The following VAV2 variants were observed in gnomAD, a reference collection of about 807,000 sequenced individuals.
VAV2 encodes vav guanine nucleotide exchange factor 2, also known as guanine nucleotide exchange factor VAV2.
Under a neutral mutation model 132.5 loss-of-function variants are expected in VAV2, and 67 were observed. That is an observed-to-expected ratio of 0.51 (90% CI 0.42 to 0.62). VAV2 has a LOEUF of 0.62. Among genes scored for constraint, VAV2 ranks in the 20% least tolerant of loss-of-function variants. The pLI is 0.00. For missense variants in VAV2, 938 were observed against 1,153.6 expected (o/e 0.81, Z 2.71); for synonymous variants, 492 against 443.5 (o/e 1.11, Z -1.37).
At chr9:133,984,384 CATG>C (rs999576564) in intron 1 of VAV2, among the ~76,000 whole-genome samples, 1 of 152,236 alleles carries the variant, frequency 6.6e-6, no homozygotes, top group Non-Finnish European at 1.5e-5. Flanking sequence ...GAAGCCAAGA[CATG>C]AGGATCACGT....
rs115234210 is a variant in VAV2 at position 133,942,525 on chromosome 9, C to T, written c.205-3306G>A. 6.6e-3 allele frequency among the ~76,000 whole-genome samples: 1,009 copies of T among 152,396 alleles called. 10 individuals are homozygous for T. The highest frequency in any genetic ancestry group is 0.022 in the African/African-American group (924 of 41,602). ...GGCTACGCCCTCTCGCTCATCTGCG[C>T]GGCTGCATGTGCTGCAGCTTCCAGC... On this transcript the variant is annotated intron_variant, in intron 1 of 29. Coordinates refer to ENST00000371850, the MANE Select transcript of VAV2 (RefSeq NM_001134398.2).
rs1167213769 is a variant in VAV2, at chr9:133,857,340, TC to T, written c.380+4033del. On this transcript the variant is annotated intron_variant, in intron 3 of 29. Transcript: ENST00000371850. This position sits in a 1 kb window ranked among gnomAD's most constrained non-coding sequence, Gnocchi z 4.0. ...TGCCCCGCTTCCCCAACACGTTTGA[TC>T]CCCCAGCCGGCACCAGGGCGGGATT... 6.6e-6 allele frequency among the ~76,000 whole-genome samples: 1 copy of T among 152,078 alleles called. No homozygotes were observed. Among genetic ancestry groups the T allele is most frequent in the Non-Finnish European group, 1.5e-5 (1 of 68,024 alleles).
In VAV2 at chr9:133,771,656, C is replaced by T. The variant is rs182278546; in HGVS notation, c.2223+303G>A. On this transcript the variant is annotated intron_variant, in intron 26 of 29. Transcript: ENST00000371850. ...CCCACTGGGCGTCAGTTTCTGCTCT[C>T]GCAGGAGGATGGGCATGAGAGGAAT... 6.4e-4 allele frequency among the ~76,000 whole-genome samples: 98 copies of T among 152,278 alleles called. 1 individual carries two copies. The highest frequency in any genetic ancestry group is 1.9e-3 in the African/African-American group (80 of 41,566).
intron 3 of VAV2, among the ~76,000 whole-genome samples, chr9:133,841,253 G>A (rs574042651): frequency 6.6e-6 from 1 of 152,104 alleles, no homozygotes; most frequent in East Asian, 1.9e-4. Context: ...AACAGCAGCA[G>A]CTACAGGGAG....
intron 2 of VAV2, among the ~76,000 whole-genome samples, chr9:133,910,477 G>A (rs1839839034): frequency 6.6e-6 from 1 of 151,978 alleles, no homozygotes; most frequent in Admixed American, 6.6e-5. Context: ...AGGTGCCAAG[G>A]TTCAGTGAGT....
At chr9:133,941,987 G>A (rs1421061865) in intron 1 of VAV2, among the ~76,000 whole-genome samples, 2 of 152,298 alleles carry the variant, frequency 1.3e-5, no homozygotes, top group South Asian at 2.1e-4. Context: ...AGGGCTGAGC[G>A]ATGGGGTGGT....
chr9:133,785,829 G>A lies in VAV2; in HGVS notation c.1479C>T (p.Phe493=). ...TCCTCTTCATATCTTCTGTTTTGCA[G>A]AAAAACTGGAAGCCCTGCTTTCCTT... The part of the protein sequence containing the change: ...HLQGKQGFQF[F]CKTEDMKRKW... The change falls in exon 17 of 30, where the codon TTC becomes TTT. Residue 493 remains phenylalanine (F), a synonymous_variant. Transcript: ENST00000371850. 6.2e-7 allele frequency: 1 copy of A among 1,614,062 alleles called. No homozygotes were observed. Among genetic ancestry groups the A allele is most frequent in the Non-Finnish European group, 8.5e-7 (1 of 1,180,008 alleles).
At chr9:133,909,520 A>G (rs985082035) in intron 2 of VAV2, among the ~76,000 whole-genome samples, 2 of 152,250 alleles carry the variant, frequency 1.3e-5, no homozygotes, top group Admixed American at 1.3e-4. Context: ...CAGAGTGCTC[A>G]GAACAGCGCC....
intron 2 of VAV2, among the ~76,000 whole-genome samples, chr9:133,893,689 C>T (rs1026224123): frequency 2.6e-5 from 4 of 152,324 alleles, no homozygotes; most frequent in East Asian, 3.9e-4. Flanking sequence ...AGCCTTCCTC[C>T]GTCGCCACAC....
intron 4 of VAV2, among the ~76,000 whole-genome samples, chr9:133,822,066 G>T (rs1835809441): frequency 6.6e-6 from 1 of 152,066 alleles, no homozygotes; most frequent in African/African-American, 2.4e-5. Flanking sequence ...TTCTGCCCGA[G>T]ACCCTGAGGC....
chr9:133,955,102 G>A (rs1841708172), intron 1 of VAV2, among the ~76,000 whole-genome samples: 4 of 152,016 alleles, frequency 2.6e-5, no homozygotes, highest in Non-Finnish European at 5.9e-5. Flanking sequence ...CAGATGGGAG[G>A]CAGCGGTGAG....
intron 4 of VAV2, among the ~76,000 whole-genome samples, chr9:133,816,907 T>C (rs1835581553): frequency 6.6e-6 from 1 of 152,252 alleles, no homozygotes. Flanking sequence ...ATAGAAACTC[T>C]TGAAATCACG....
chr9:133,873,445 G>T (rs1337391616), intron 2 of VAV2, among the ~76,000 whole-genome samples: 1 of 152,212 alleles, frequency 6.6e-6, no homozygotes, highest in East Asian at 1.9e-4. Flanking sequence ...TGGTCACCAT[G>T]CCCCTGCTGA....
chr9:133,775,994 A>C, intron 24 of VAV2, 34 bp downstream of exon 24: 1 of 1,582,014 alleles, frequency 6.3e-7, no homozygotes. Context: ...AGAGGCCACC[A>C]GATGCCCATG....
chr9:133,854,056 A>C (rs540254296), intron 3 of VAV2, among the ~76,000 whole-genome samples: 4 of 151,366 alleles, frequency 2.6e-5, no homozygotes, highest in Admixed American at 2.6e-4. Flanking sequence ...ATACACACAC[A>C]CTCCATGAAC....
rs548433715 is a variant in VAV2 at position 133,948,825 on chromosome 9, C to T, written c.205-9606G>A. 6.6e-5 allele frequency among the ~76,000 whole-genome samples: 10 copies of T among 152,364 alleles called. No homozygotes were observed. The South Asian group carries it at 2.1e-3, about 32-fold the overall frequency. On this transcript the variant is annotated intron_variant, in intron 1 of 29. Transcript: ENST00000371850. ...ATCCTGCTAACGAGCTGTCACGTAT[C>T]CCTGGTCTACAGGTGGAGAAACGGC... is the stretch of plus-strand genomic sequence containing the variant.
intron 4 of VAV2, among the ~76,000 whole-genome samples, chr9:133,825,661 G>A (rs1835958805): frequency 6.6e-6 from 1 of 152,194 alleles, no homozygotes; most frequent in Non-Finnish European, 1.5e-5. Flanking sequence ...CTCTGGGAGA[G>A]GTGGGCAGGG....
chr9:133,882,696 G>T (rs1020639961), intron 2 of VAV2, among the ~76,000 whole-genome samples: 1 of 152,148 alleles, frequency 6.6e-6, no homozygotes, highest in Non-Finnish European at 1.5e-5. Context: ...CACCAGGTCC[G>T]TGATACTTGG....
chr9:133,832,724 A>G (rs1836311487), intron 4 of VAV2, among the ~76,000 whole-genome samples: 1 of 152,066 alleles, frequency 6.6e-6, no homozygotes, highest in African/African-American at 2.4e-5. Flanking sequence ...ACATCTGGCT[A>G]ATTTTTGTAT....
Sources: allele counts gnomAD v4.1 joint callset (sites outside exome capture counted in the v4.1 genomes callset), GRCh38; gene constraint gnomAD v4.1.1; non-coding constraint Gnocchi (gnomAD v3.1); transcripts MANE v1.5; gene names NCBI Gene and HGNC (gene_info 2026-07-23, HGNC 2026-07-21).